HAUS3: variants seen among roughly 807,000 people sequenced by gnomAD.
HAUS3 encodes the protein HAUS augmin-like complex subunit 3.
A neutral mutation model predicts 55.2 loss-of-function variants in HAUS3; 36 were observed. The ratio of observed to expected loss-of-function variants is 0.65; its 90% CI spans 0.50 to 0.86. The LOEUF is 0.86. Ranked by LOEUF, HAUS3 falls within the 40% of genes least tolerant of loss-of-function variation. HAUS3 has a pLI of 0.00. For missense variants in HAUS3, 752 were observed against 671.5 expected (o/e 1.12, Z -1.33); for synonymous variants, 234 against 238.6 (o/e 0.98, Z 0.18).
chr4:2,238,499 T>A (rs1238644092), intron 4 of HAUS3, 105 bp downstream of exon 4: 14 of 621,064 alleles, frequency 2.3e-5, no homozygotes, highest in Admixed American at 3.5e-5. Flanking sequence ...AAAAGTGAAA[T>A]GCAAAGAATT....
Position 2,228,787 on chromosome 4 carries a change from T to C in HAUS3, c.*3140A>G, listed in dbSNP as rs1734474795. ...ACCACACAAAATAGCAAATACTATGTACAGGTTTGATGACCTGAGAACCAA... is the reference window on the plus strand; with the variant it reads ...ACCACACAAAATAGCAAATACTATGCACAGGTTTGATGACCTGAGAACCAA... On this transcript the variant is annotated 3_prime_UTR_variant, in exon 6 of 6. Coordinates refer to ENST00000443786, the MANE Select transcript of HAUS3 (RefSeq NM_001303143.2). 1.1e-5 allele frequency: 3 copies of C among 263,220 alleles called. No individual in the cohort carries two copies. Among genetic ancestry groups the C allele is most frequent in the Non-Finnish European group, 2.2e-5 (3 of 137,896 alleles). 16.3% of individuals were successfully genotyped at this position (263,220 alleles called of 1,614,324 possible). A position where few individuals can be genotyped will look rare whatever the true frequency, so the allele number is the denominator to read the frequency against.
rs750515994 is a variant in HAUS3, at chr4:2,240,219, A to T, written c.728T>A (p.Ile243Lys). The change falls in exon 3 of 6, where the codon ATA becomes AAA. Residue 243 changes from isoleucine (I) to lysine (K), a missense_variant. Physicochemically the swap from Ile to Lys is moderately radical, Grantham distance 102. Coordinates refer to ENST00000443786, the MANE Select transcript of HAUS3 (RefSeq NM_001303143.2). ...SNEDNFQLLDIQTPSICDNQE... is the reference protein window; with the variant it reads ...SNEDNFQLLDKQTPSICDNQE... ...ATTATCACAAATAGATGGTGTCTGT[A>T]TATCTAAAAGTTGAAAATTGTCTTC... 1 of 1,613,854 alleles carries T rather than the reference A, an allele frequency of 6.2e-7. No individual in the cohort carries two copies. Among genetic ancestry groups the T allele is most frequent in the South Asian group, 1.1e-5 (1 of 91,038 alleles).
chr4:2,237,979 G>GCAAC (rs1427572115), intron 4 of HAUS3, among the ~76,000 whole-genome samples: 1 of 152,000 alleles, frequency 6.6e-6, no homozygotes, highest in Non-Finnish European at 1.5e-5. Context: ...GTGCAATGAG[G>GCAAC]CAACCCTATC....
Position 2,240,941 on chromosome 4 carries a change from A to T in HAUS3, c.6T>A (p.Ser2Arg). 6.3e-7 allele frequency: 1 copy of T among 1,591,474 alleles called. No individual in the cohort carries two copies. Among genetic ancestry groups the T allele is most frequent in the Non-Finnish European group, 8.5e-7 (1 of 1,177,290 alleles). The change falls in exon 3 of 6, where the codon AGT becomes AGA. Residue 2 changes from serine (S) to arginine (R), a missense_variant. By Grantham distance (110) the Ser-to-Arg change is moderately radical (BLOSUM62 -1). Transcript: ENST00000443786. M[S>R]CGNEFVETLK... Reference sequence around the variant, plus strand: ...ATGTTTCCACAAACTCATTTCCACAACTCATGGTTTTAACTACCCCAATTT... The same window carrying T: ...ATGTTTCCACAAACTCATTTCCACATCTCATGGTTTTAACTACCCCAATTT...
At position 2,230,436 on chromosome 4, in the gene HAUS3, C is replaced by A. The variant is rs755072014; in HGVS notation, c.*1491G>T. ...AGAAAATAAAAATTTTAAGTAAATT[C>A]TCTATTCCGAAATAGAATAGAAAAA... On this transcript the variant is annotated 3_prime_UTR_variant, in exon 6 of 6. Transcript: ENST00000443786. 9 of 151,988 alleles carry A rather than the reference C, an allele frequency of 5.9e-5. No individual in the cohort carries two copies. Among genetic ancestry groups the A allele is most frequent in the Non-Finnish European group, 1.0e-4 (7 of 68,022 alleles). 9.4% of individuals were successfully genotyped at this position (151,988 alleles called of 1,614,324 possible).
rs759297755 is a variant in HAUS3, at chr4:2,238,841, T to G, written c.1112A>C (p.Glu371Ala). ...AKQDYYTARQ[E>A]LVLNQLIKQK... ...TTTTATTAATTGATTTAAAACTAAC[T>G]CTTGTCTTGCTGTATAATAATCTTG... The change falls in exon 4 of 6, where the codon GAG (glutamate) becomes GCG (alanine). Residue 371 changes from glutamate to alanine, a missense_variant. Transcript: ENST00000443786. The G allele has an allele frequency of 8.7e-6, 14 of 1,613,084 alleles. No individual in the cohort carries two copies. In the South Asian group the frequency reaches 1.4e-4, roughly 16 times the overall value.
In HAUS3 at chr4:2,232,158, C is replaced by G; in HGVS notation, c.1581G>C (p.Glu527Asp). Residue 527 changes from glutamate (E) to aspartate (D), a missense_variant and splice_region_variant, in exon 6 of 6, where the codon GAG (glutamate) becomes GAC (aspartate). By Grantham distance (45) the Glu-to-Asp change is conservative. Coordinates refer to ENST00000443786, the MANE Select transcript of HAUS3 (RefSeq NM_001303143.2). ...CAACTTTATGAAACTGCTCTGTTAA[C>G]TCCTAAAAAAGGAAAATAAAAATAA... ...GGNQLLLSDQ[E>D]LTEQFHKVES... is the part of the protein sequence containing the mutation. 2 of 1,425,948 alleles carry G rather than the reference C, an allele frequency of 1.4e-6. No individual in the cohort carries two copies. Among genetic ancestry groups the G allele is most frequent in the Non-Finnish European group, 1.9e-6 (2 of 1,053,110 alleles). The allele number at this position is 1,425,948 out of a possible 1,614,324, so 88.3% of individuals were successfully genotyped here. A position where few individuals can be genotyped will look rare whatever the true frequency, so the allele number is the denominator to read the frequency against.
Position 2,238,971 on chromosome 4 carries a change from C to A in HAUS3, c.982G>T (p.Val328Phe). The part of the protein sequence containing the change: ...TSEIMKLEKE[V>F]TQIKDRSLPA... ...AAACTTCTGTCTTTTATTTGAGTGA[C>A]CTCTTTTTCAAGTTTCATAATCTCA... Residue 328 changes from valine to phenylalanine, a missense_variant, in exon 4 of 6, where the codon GTC (valine) becomes TTC (phenylalanine). By Grantham distance (50) the Val-to-Phe change is conservative (BLOSUM62 -1). Coordinates refer to ENST00000443786, the MANE Select transcript of HAUS3 (RefSeq NM_001303143.2). 6.3e-7 allele frequency: 1 copy of A among 1,585,782 alleles called. No individual in the cohort carries two copies. The highest frequency in any genetic ancestry group is 8.5e-7 in the Non-Finnish European group (1 of 1,170,784).
Position 2,241,672 on chromosome 4 carries a change from C to A in HAUS3, c.-300G>T, listed in dbSNP as rs960491731. On this transcript the variant is annotated 5_prime_UTR_variant, in exon 2 of 6. Coordinates refer to ENST00000443786, the MANE Select transcript of HAUS3 (RefSeq NM_001303143.2). Reference sequence around the variant, plus strand: ...AGGCAGCCCCGACGCCAGGGCCGCGCGAACCCCAGAGGCAGCGGCAAGCCC... The same window carrying A: ...AGGCAGCCCCGACGCCAGGGCCGCGAGAACCCCAGAGGCAGCGGCAAGCCC... 69 of 985,356 alleles carry A rather than the reference C, an allele frequency of 7.0e-5. No homozygotes were observed. The highest frequency in any genetic ancestry group is 8.2e-5 in the Non-Finnish European group (68 of 829,954). The allele number at this position is 985,356 out of a possible 1,614,324, so 61.0% of individuals were successfully genotyped here. A position where few individuals can be genotyped will look rare whatever the true frequency, so the allele number is the denominator to read the frequency against.
chr4:2,229,168 G>A lies in HAUS3; in HGVS notation c.*2759C>T, dbSNP rs756800343. 10 of 1,610,708 alleles carry A rather than the reference G, an allele frequency of 6.2e-6. 1 individual carries two copies. Among genetic ancestry groups the A allele is most frequent in the Middle Eastern group, 1.6e-4 (1 of 6,084 alleles). On this transcript the variant is annotated 3_prime_UTR_variant, in exon 6 of 6. Transcript: ENST00000443786. ...GAATGCATAGCAGACATAATCTTCT[G>A]AGCAACACTGGAGAGCGGTGTATTA...
At position 2,236,315 on chromosome 4, in the gene HAUS3, AGAAT is replaced by A; in HGVS notation, c.1487_1490del (p.His496LeufsTer32). On this transcript the variant is annotated frameshift_variant, in exon 5 of 6. Coordinates refer to ENST00000443786, the MANE Select transcript of HAUS3 (RefSeq NM_001303143.2). LOFTEE classifies it high-confidence loss of function. ...CCTTATTCCGTTTGGACAGAAAGAA[AGAAT>A]GTTCTTGAGCAGATACTGCCAACTG... The A allele has an allele frequency of 6.2e-7, 1 of 1,613,808 alleles. No individual in the cohort carries two copies. Among genetic ancestry groups the A allele is most frequent in the Non-Finnish European group, 8.5e-7 (1 of 1,179,782 alleles).
intron 5 of HAUS3, among the ~76,000 whole-genome samples, chr4:2,234,014 T>C (rs934971649): frequency 1.7e-4 from 26 of 151,756 alleles, no homozygotes; most frequent in African/African-American, 4.1e-4. Flanking sequence ...CAAAAAGCTA[T>C]ATACACAAAG....
chr4:2,240,970 T>C lies in HAUS3; in HGVS notation c.-24A>G, dbSNP rs2108781868. 3 of 1,545,546 alleles carry C rather than the reference T, an allele frequency of 1.9e-6. No homozygotes were observed. The highest frequency in any genetic ancestry group is 2.6e-6 in the Non-Finnish European group (3 of 1,146,100). ...ATGGTTTTAACTACCCCAATTTTGTTGTATCTGATATGGGTTTACGGTGTT... is the reference window on the plus strand; with the variant it reads ...ATGGTTTTAACTACCCCAATTTTGTCGTATCTGATATGGGTTTACGGTGTT... On this transcript the variant is annotated 5_prime_UTR_variant, in exon 3 of 6. Transcript: ENST00000443786.
intron 5 of HAUS3, chr4:2,234,239 G>A (rs1734679880): frequency 6.6e-6 from 1 of 152,166 alleles, no homozygotes; most frequent in African/African-American, 2.4e-5. Context: ...AGGGTCTTTA[G>A]AAGTTAGCAC....
At chr4:2,241,196 G>C in intron 2 of HAUS3, 103 bp from the exon 3 acceptor site, 1 of 387,860 alleles carries the variant, frequency 2.6e-6, no homozygotes, top group Non-Finnish European at 4.5e-6. Context: ...CGGGATAAAT[G>C]ACAGGTAGTC....
chr4:2,241,577 A>G lies in HAUS3; in HGVS notation c.-205T>C. 4 of 985,784 alleles carry G rather than the reference A, an allele frequency of 4.1e-6. No individual in the cohort carries two copies. The highest frequency in any genetic ancestry group is 4.8e-6 in the Non-Finnish European group (4 of 830,208). The allele number at this position is 985,784 out of a possible 1,614,324, so 61.1% of individuals were successfully genotyped here. On this transcript the variant is annotated 5_prime_UTR_variant, in exon 2 of 6. Transcript: ENST00000443786. ...AGAGTCCACCACCGCGACGCGGAGA[A>G]CAGCAGGAGCAGCAGGGAAGCGCGC...
intron 3 of HAUS3, 83 bp downstream of exon 3, chr4:2,239,955 C>A: frequency 1.9e-6 from 2 of 1,053,980 alleles, no homozygotes; most frequent in East Asian, 2.4e-5. Flanking sequence ...ATGCACCATT[C>A]TAAAGTACTT....
At chr4:2,238,033 C>A (rs1160327874) in intron 4 of HAUS3, among the ~76,000 whole-genome samples, 2 of 152,122 alleles carry the variant, frequency 1.3e-5, no homozygotes, top group East Asian at 1.9e-4. Flanking sequence ...AGATTAGATG[C>A]TTTTACCCTA....
At chr4:2,236,203 T>C in intron 5 of HAUS3, 25 bp downstream of exon 5, 1 of 1,426,986 alleles carries the variant, frequency 7.0e-7, no homozygotes. Flanking sequence ...AAAAAGCATT[T>C]TTAACTACTA....
Sources: gnomAD v4.1 joint callset for allele counts (sites outside exome capture counted in the v4.1 genomes callset) on GRCh38, gnomAD v4.1.1 for gene constraint, MANE v1.5 for transcripts, NCBI Gene and HGNC (gene_info 2026-07-23, HGNC 2026-07-21) for gene names.